The following C10orf90 variants were observed in gnomAD, a reference collection of about 807,000 sequenced individuals.
The protein encoded by C10orf90 is chromosome 10 open reading frame 90, also known as (E2-independent) E3 ubiquitin-conjugating enzyme FATS.
C10orf90 carries 56 observed loss-of-function variants against 62.5 expected under a neutral mutation model. The ratio of observed to expected loss-of-function variants is 0.90; its 90% confidence interval spans 0.72 to 1.12. The LOEUF is 1.12. Ranked by LOEUF, C10orf90 falls within the 50% of genes most tolerant of loss-of-function variation. The pLI, the probability that C10orf90 is intolerant of heterozygous loss-of-function variation, is 0.00. For missense variants in C10orf90, 970 were observed against 880.4 expected (o/e 1.10, Z -1.29); for synonymous variants, 386 against 340.4 (o/e 1.13, Z -1.47).
intron 4 of C10orf90, among the ~76,000 whole-genome samples, chr10:126,496,383 A>G (rs1862058492): frequency 6.6e-6 from 1 of 152,236 alleles, no homozygotes; most frequent in Non-Finnish European, 1.5e-5. Flanking sequence ...GATGAGGAGG[A>G]AAATGACACA....
At chr10:126,555,232 G>T (rs1229884868) in intron 2 of C10orf90, among the ~76,000 whole-genome samples, 2 of 152,074 alleles carry the variant, frequency 1.3e-5, no homozygotes, top group Non-Finnish European at 2.9e-5. Flanking sequence ...AATGTTTATG[G>T]GATAAATGGA....
chr10:126,564,031 T>C (rs1378659819), intron 2 of C10orf90, among the ~76,000 whole-genome samples: 1 of 152,098 alleles, frequency 6.6e-6, no homozygotes, highest in African/African-American at 2.4e-5. Flanking sequence ...TGGATGCCCG[T>C]AGTCCCCATC....
chr10:126,658,109 G>T (rs191193723), intron 1 of C10orf90, among the ~76,000 whole-genome samples: 2 of 152,158 alleles, frequency 1.3e-5, no homozygotes. Flanking sequence ...CAAGGTGAGC[G>T]CATTCTGTCC....
rs191193723 is a variant in C10orf90, at chr10:126,658,109, G to A, written c.241-11472C>T. Among the ~76,000 whole-genome samples, 11 of 152,276 alleles carry A rather than the reference G, an allele frequency of 7.2e-5. No individual in the cohort carries two copies. In the East Asian group the frequency reaches 1.4e-3, roughly 19 times the overall value. On this transcript the variant is annotated intron_variant, in intron 1 of 9. Coordinates refer to ENST00000488181, the MANE Select transcript of C10orf90 (RefSeq NM_001350921.2). ...GATGCACAGTGAGTACAAGGTGAGC[G>A]CATTCTGTCCCAGAACAAGGACGTT... is the stretch of plus-strand genomic sequence containing the variant.
rs182244553 is a variant in C10orf90, at chr10:126,474,328, C to T, written c.1535-9342G>A. Among the ~76,000 whole-genome samples, 6 of 152,244 alleles carry T rather than the reference C, an allele frequency of 3.9e-5. No homozygotes were observed. In the East Asian group the frequency reaches 1.2e-3, roughly 29 times the overall value. ...TCAAGTCTCCACTCTAGACGAGTCA[C>T]CTCACTCAGGATTACATCAACCATT... is the stretch of plus-strand genomic sequence containing the variant. On this transcript the variant is annotated intron_variant, in intron 4 of 9. Transcript: ENST00000488181.
chr10:126,524,209 A>C (rs1863864968), intron 2 of C10orf90, among the ~76,000 whole-genome samples: 1 of 152,178 alleles, frequency 6.6e-6, no homozygotes, highest in Non-Finnish European at 1.5e-5. Context: ...TTTGGTAGTA[A>C]TCTTAAAACC....
chr10:126,532,793 C>T (rs1457101106), intron 2 of C10orf90, among the ~76,000 whole-genome samples: 7 of 103,846 alleles, frequency 6.7e-5, no homozygotes, highest in Non-Finnish European at 1.1e-4. Flanking sequence ...GCCGAGATCG[C>T]GCCACTGCAC....
intron 5 of C10orf90, among the ~76,000 whole-genome samples, chr10:126,461,828 T>C (rs2133727215): frequency 6.6e-6 from 1 of 152,212 alleles, no homozygotes; most frequent in African/African-American, 2.4e-5. Flanking sequence ...AGGTATTCCG[T>C]AGGCTTCTGA....
intron 1 of C10orf90, among the ~76,000 whole-genome samples, chr10:126,660,204 C>T (rs529447898): frequency 1.5e-4 from 23 of 152,290 alleles, no homozygotes; most frequent in Admixed American, 7.8e-4. Flanking sequence ...ATGAATATGA[C>T]GGGCTATCAT....
At chr10:126,521,107 T>C in intron 2 of C10orf90, among the ~76,000 whole-genome samples, 2 of 152,206 alleles carry the variant, frequency 1.3e-5, no homozygotes, top group East Asian at 3.9e-4. Context: ...ATCCTTTTCA[T>C]GCTGTTGTGT....
At chr10:126,580,205 G>A (rs1046846422) in intron 2 of C10orf90, among the ~76,000 whole-genome samples, 1 of 152,190 alleles carries the variant, frequency 6.6e-6, no homozygotes, top group African/African-American at 2.4e-5. Context: ...GCATGTGGAT[G>A]CCCACCGCTG....
At chr10:126,479,484 G>A (rs1185821530) in intron 4 of C10orf90, among the ~76,000 whole-genome samples, 1 of 152,172 alleles carries the variant, frequency 6.6e-6, no homozygotes, top group Non-Finnish European at 1.5e-5. Context: ...GGCCAGAGAA[G>A]GTGCTCCTGG....
intron 2 of C10orf90, among the ~76,000 whole-genome samples, chr10:126,591,203 A>T (rs1226987367): frequency 6.6e-6 from 1 of 152,234 alleles, no homozygotes; most frequent in Non-Finnish European, 1.5e-5. Flanking sequence ...TTATGAGGCC[A>T]GCATCGTCCT....
chr10:126,525,326 AACAG>A (rs1235373690), intron 2 of C10orf90, among the ~76,000 whole-genome samples: 4 of 152,208 alleles, frequency 2.6e-5, no homozygotes, highest in Admixed American at 2.0e-4. Flanking sequence ...TTCTTTCGTT[AACAG>A]ACAGATTCAT....
At position 126,611,696 on chromosome 10, in the gene C10orf90, A is replaced by G. The variant is rs576127976; in HGVS notation, c.313+34869T>C. 2.0e-5 allele frequency among the ~76,000 whole-genome samples: 3 copies of G among 152,322 alleles called. No individual in the cohort carries two copies. The South Asian group carries it at 6.2e-4, about 32-fold the overall frequency. On this transcript the variant is annotated intron_variant, in intron 2 of 9. Coordinates refer to ENST00000488181, the MANE Select transcript of C10orf90 (RefSeq NM_001350921.2). Reference sequence around the variant, plus strand: ...TTCCACACTCATTCTTAAATTTCCCAGAAGAGGGGATTTTTGTTGCAGGTG... The same window carrying G: ...TTCCACACTCATTCTTAAATTTCCCGGAAGAGGGGATTTTTGTTGCAGGTG...
At chr10:126,469,058 A>T (rs1267484258) in intron 4 of C10orf90, among the ~76,000 whole-genome samples, 1 of 152,204 alleles carries the variant, frequency 6.6e-6, no homozygotes, top group East Asian at 1.9e-4. Flanking sequence ...ATCAGAAAGC[A>T]TGAGTGGTTG....
chr10:126,596,079 A>G (rs1188543273), intron 2 of C10orf90, among the ~76,000 whole-genome samples: 1 of 151,816 alleles, frequency 6.6e-6, no homozygotes, highest in Non-Finnish European at 1.5e-5. Context: ...CAAAACTACT[A>G]ACCATGAAAG....
chr10:126,526,979 CTT>C (rs1245226115), intron 2 of C10orf90, among the ~76,000 whole-genome samples: 1 of 152,176 alleles, frequency 6.6e-6, no homozygotes, highest in Non-Finnish European at 1.5e-5. Context: ...CTGATGGACA[CTT>C]GAGTTGTTCC....
chr10:126,561,257 G>A (rs1423578728), intron 2 of C10orf90, among the ~76,000 whole-genome samples: 1 of 152,196 alleles, frequency 6.6e-6, no homozygotes, highest in African/African-American at 2.4e-5. Flanking sequence ...TTTCCAAAGT[G>A]TGGGCCCTCA....
Sources: allele counts gnomAD v4.1 joint callset (sites outside exome capture counted in the v4.1 genomes callset), GRCh38; gene constraint gnomAD v4.1.1; transcripts MANE v1.5; gene names NCBI Gene and HGNC (gene_info 2026-07-23, HGNC 2026-07-21).